Variants in SNX29 observed in about 807,000 individuals in gnomAD.
SNX29 encodes the protein sorting nexin-29.
SNX29 carries 78 observed loss-of-function variants against 102.1 expected under a neutral mutation model. The observed-to-expected ratio is 0.76, with a 90% CI of 0.64 to 0.92. SNX29 has a LOEUF of 0.92. Among genes scored for constraint, SNX29 ranks in the 40% least tolerant of loss-of-function variants. The pLI, the probability that SNX29 is intolerant of heterozygous loss-of-function variation, is 0.00. For missense variants in SNX29, 1,280 were observed against 1,061.7 expected (o/e 1.21, Z -2.86); for synonymous variants, 580 against 414.5 (o/e 1.40, Z -4.85).
At chr16:12,510,374 C>G (rs927991104) in intron 19 of SNX29, among the ~76,000 whole-genome samples, 1 of 152,064 alleles carries the variant, frequency 6.6e-6, no homozygotes, top group Non-Finnish European at 1.5e-5. Context: ...CAGATGAGGC[C>G]AAACTGCATA....
chr16:12,358,969 G>C (rs1021299350), intron 16 of SNX29, among the ~76,000 whole-genome samples: 1 of 152,224 alleles, frequency 6.6e-6, no homozygotes, highest in Non-Finnish European at 1.5e-5. Flanking sequence ...ATAATCACCA[G>C]AAAATGTGTT....
chr16:12,428,892 A>G (rs2085196211), intron 18 of SNX29, among the ~76,000 whole-genome samples: 1 of 152,248 alleles, frequency 6.6e-6, no homozygotes, highest in Non-Finnish European at 1.5e-5. Flanking sequence ...TACGATTGCA[A>G]TTAATATCTC....
At chr16:12,308,486 C>A (rs954506539) in intron 15 of SNX29, among the ~76,000 whole-genome samples, 2 of 152,146 alleles carry the variant, frequency 1.3e-5, no homozygotes, top group African/African-American at 4.8e-5. Context: ...CAGATACTGT[C>A]ATTAATCCTC....
intron 19 of SNX29, among the ~76,000 whole-genome samples, chr16:12,482,923 T>C (rs906531269): frequency 1.3e-5 from 2 of 152,156 alleles, no homozygotes; most frequent in Non-Finnish European, 2.9e-5. Flanking sequence ...TGCTTTAATA[T>C]GCCATGCATG....
At chr16:12,548,969 A>T (rs1363380042) in intron 20 of SNX29, among the ~76,000 whole-genome samples, 1 of 152,220 alleles carries the variant, frequency 6.6e-6, no homozygotes, top group Non-Finnish European at 1.5e-5. Context: ...GCAACAGCAC[A>T]AGTGAGGCCC....
At chr16:12,463,747 G>T (rs1463156660) in intron 18 of SNX29, among the ~76,000 whole-genome samples, 1 of 151,736 alleles carries the variant, frequency 6.6e-6, no homozygotes, top group Non-Finnish European at 1.5e-5. Flanking sequence ...CAACATGATG[G>T]TTTGATGTAC....
chr16:12,127,514 C>T (rs551460484), intron 12 of SNX29, among the ~76,000 whole-genome samples: 24 of 151,468 alleles, frequency 1.6e-4, no homozygotes, highest in African/African-American at 5.1e-4. Flanking sequence ...CTCCACCTCC[C>T]GGGCTCAAGT....
chr16:12,378,843 G>A (rs753332332), intron 16 of SNX29, among the ~76,000 whole-genome samples: 9 of 152,144 alleles, frequency 5.9e-5, no homozygotes, highest in East Asian at 1.9e-4. Flanking sequence ...AACAGCAGTC[G>A]CTGCAGTGTT....
At chr16:12,007,490 G>A (rs2056495214) in intron 3 of SNX29, among the ~76,000 whole-genome samples, 1 of 152,152 alleles carries the variant, frequency 6.6e-6, no homozygotes, top group Admixed American at 6.6e-5. Flanking sequence ...GAGTGAGAGA[G>A]TAAGACTCTC....
intron 14 of SNX29, among the ~76,000 whole-genome samples, chr16:12,234,695 C>T (rs996188810): frequency 2.6e-5 from 4 of 152,130 alleles, no homozygotes; most frequent in African/African-American, 4.8e-5. Context: ...GAGATGCTGT[C>T]GGCTTCAGCC....
intron 15 of SNX29, among the ~76,000 whole-genome samples, chr16:12,281,114 A>G (rs1026129994): frequency 2.6e-5 from 4 of 152,124 alleles, no homozygotes; most frequent in Admixed American, 6.6e-5. Context: ...GGATCTTGCT[A>G]TGCTGCCCAA....
chr16:12,472,701 A>G (rs915369624), intron 18 of SNX29, among the ~76,000 whole-genome samples: 1 of 152,148 alleles, frequency 6.6e-6, no homozygotes, highest in Admixed American at 6.5e-5. Context: ...TTGAGACCTT[A>G]TCTCTACTAG....
At chr16:12,520,419 A>T (rs542395425) in intron 19 of SNX29, among the ~76,000 whole-genome samples, 1 of 152,272 alleles carries the variant, frequency 6.6e-6, no homozygotes, top group East Asian at 1.9e-4. Context: ...GCCTGATGGA[A>T]GGCCCTGCTC....
intron 20 of SNX29, among the ~76,000 whole-genome samples, chr16:12,558,803 A>T (rs1404998642): frequency 6.6e-6 from 1 of 152,200 alleles, no homozygotes; most frequent in African/African-American, 2.4e-5. Context: ...TATCTGCCTG[A>T]TAAGGGCTCC....
intron 18 of SNX29, among the ~76,000 whole-genome samples, chr16:12,445,580 A>G (rs1303082418): frequency 6.6e-6 from 1 of 152,242 alleles, no homozygotes; most frequent in Non-Finnish European, 1.5e-5. Flanking sequence ...TGAAATAAAC[A>G]TGAAATAGTA....
chr16:12,300,738 G>A (rs1344013572), intron 15 of SNX29, among the ~76,000 whole-genome samples: 1 of 152,168 alleles, frequency 6.6e-6, no homozygotes, highest in East Asian at 1.9e-4. Context: ...GTCTAAAGTA[G>A]GGTTTCTCAA....
chr16:12,564,102 T>C (rs2078885487), intron 20 of SNX29, among the ~76,000 whole-genome samples: 1 of 152,190 alleles, frequency 6.6e-6, no homozygotes, highest in African/African-American at 2.4e-5. Flanking sequence ...TGTAAAATCC[T>C]CCTTGATTGG....
chr16:12,144,816 G>A (rs1430090793), intron 13 of SNX29, among the ~76,000 whole-genome samples: 1 of 152,176 alleles, frequency 6.6e-6, no homozygotes, highest in East Asian at 1.9e-4. Context: ...CCTCCTCCCG[G>A]ATTCACACCA....
At chr16:12,251,388 A>T (rs1327410599) in intron 14 of SNX29, among the ~76,000 whole-genome samples, 1 of 152,154 alleles carries the variant, frequency 6.6e-6, no homozygotes, top group African/African-American at 2.4e-5. Context: ...CCTTACCTTT[A>T]TGATGCACAA....
Sources: gnomAD v4.1 joint callset for allele counts (sites outside exome capture counted in the v4.1 genomes callset) on GRCh38, gnomAD v4.1.1 for gene constraint, MANE v1.5 for transcripts, NCBI Gene and HGNC (gene_info 2026-07-23, HGNC 2026-07-21) for gene names.